The following ANK1 variants were observed in gnomAD, a reference collection of about 807,000 sequenced individuals.
ANK1 encodes the protein ankyrin 1, also known as ankyrin-1.
ANK1 carries 51 observed loss-of-function variants against 210.4 expected under a neutral mutation model. The ratio of observed to expected loss-of-function variants is 0.24; its 90% CI spans 0.19 to 0.31. The LOEUF (loss-of-function observed/expected upper bound fraction) is 0.31. ANK1 is among the 10% of genes least tolerant of loss of function. The probability of loss-of-function intolerance (pLI) is 1.00; values close to 1 mark genes in which losing one functional copy is unlikely to be tolerated. For synonymous variants in ANK1, 967 were observed against 1,025.9 expected (o/e 0.94, Z 1.10); for missense variants, 2,051 against 2,504.4 (o/e 0.82, Z 3.86).
chr8:41,763,553 C>T (rs1007389943), intron 1 of ANK1, among the ~76,000 whole-genome samples: 31 of 152,146 alleles, frequency 2.0e-4, no homozygotes, highest in African/African-American at 6.8e-4. Context: ...GCCCTTGACC[C>T]CAAGGGCGTT....
At chr8:41,757,906 G>T in intron 2 of ANK1, 130 bp downstream of exon 2, 2 of 894,178 alleles carry the variant, frequency 2.2e-6, no homozygotes, top group South Asian at 2.7e-5. Context: ...GCCTTCCACA[G>T]GCAGGAGCCC....
chr8:41,724,077 C>T (rs949835758), intron 7 of ANK1, among the ~76,000 whole-genome samples: 1 of 152,182 alleles, frequency 6.6e-6, no homozygotes, highest in East Asian at 1.9e-4. Flanking sequence ...CGTGAGCCAC[C>T]GCGCCCGGCC....
At chr8:41,669,569 C>G (rs1811588948) in intron 38 of ANK1, among the ~76,000 whole-genome samples, 1 of 152,202 alleles carries the variant, frequency 6.6e-6, no homozygotes, top group Admixed American at 6.5e-5. Flanking sequence ...ATCTTCTCCC[C>G]TAGCCTGTCC....
intron 1 of ANK1, among the ~76,000 whole-genome samples, chr8:41,863,187 T>C (rs937500327): frequency 4.0e-5 from 6 of 151,778 alleles, no homozygotes; most frequent in African/African-American, 1.2e-4. Context: ...TGAAACCCCA[T>C]CTCTACTAAA....
At position 41,673,668 on chromosome 8, in the gene ANK1, G is replaced by A. The variant is rs541793868; in HGVS notation, c.4538-756C>T. Among the ~76,000 whole-genome samples, 88 of 152,328 alleles carry A rather than the reference G, an allele frequency of 5.8e-4. 1 individual carries two copies. Among genetic ancestry groups the A allele is most frequent in the African/African-American group, 2.0e-3 (85 of 41,580 alleles). On this transcript the variant is annotated intron_variant, in intron 37 of 42. Coordinates refer to ENST00000289734, the MANE Select transcript of ANK1 (RefSeq NM_000037.4). ...AAAACCCTGTGTCCAAGAGCCCTGA[G>A]CTGCTTGTCCCAGCTGCAGGTCAGC...
intron 1 of ANK1, among the ~76,000 whole-genome samples, chr8:41,861,430 T>C (rs1813256211): frequency 6.6e-6 from 1 of 152,230 alleles, no homozygotes; most frequent in Non-Finnish European, 1.5e-5. Context: ...CGAAAGGGCC[T>C]GCGTGAAATT....
chr8:41,733,081 A>C (rs902343873), intron 3 of ANK1, among the ~76,000 whole-genome samples: 22 of 152,336 alleles, frequency 1.4e-4, no homozygotes, highest in African/African-American at 5.1e-4. Context: ...TTGTTTGATA[A>C]ATAAGATGCA....
chr8:41,717,524 T>C (rs530062661), intron 12 of ANK1, 80 bp downstream of exon 12: 279 of 1,276,616 alleles, frequency 2.2e-4, no homozygotes, highest in Non-Finnish European at 3.0e-4. Flanking sequence ...CCCCAGAGAG[T>C]AGGACTGGGA....
chr8:41,863,966 C>T lies in ANK1; in HGVS notation c.126+32389G>A, dbSNP rs186616833. 3.1e-3 allele frequency among the ~76,000 whole-genome samples: 475 copies of T among 152,180 alleles called. 3 individuals carry two copies. Among genetic ancestry groups the T allele is most frequent in the African/African-American group, 0.011 (443 of 41,524 alleles). ...TTGTTAATTCAAGGGTACCACTGGC[C>T]GGGCATGGTGGCTCACACCTGTAAT... On this transcript the variant is annotated intron_variant, in intron 1 of 42. Transcript: ENST00000265709.
At chr8:41,891,956 C>T (rs1383128441) in intron 1 of ANK1, among the ~76,000 whole-genome samples, 3 of 152,186 alleles carry the variant, frequency 2.0e-5, no homozygotes, top group Admixed American at 6.5e-5. Context: ...CCACAACATA[C>T]ATTAGTGAAA....
At chr8:41,776,331 T>C (rs908798200) in intron 1 of ANK1, among the ~76,000 whole-genome samples, 2 of 152,188 alleles carry the variant, frequency 1.3e-5, no homozygotes, top group East Asian at 1.9e-4. Context: ...TCTGTTTCCA[T>C]GAACTAGGCC....
intron 2 of ANK1, among the ~76,000 whole-genome samples, chr8:41,752,254 C>T (rs907209891): frequency 2.0e-5 from 3 of 152,172 alleles, no homozygotes; most frequent in Non-Finnish European, 2.9e-5. Flanking sequence ...AGGCCACGAG[C>T]GCGCAGACTA....
intron 1 of ANK1, among the ~76,000 whole-genome samples, chr8:41,852,729 G>A (rs1287811213): frequency 6.6e-6 from 1 of 152,234 alleles, no homozygotes; most frequent in Admixed American, 6.5e-5. Context: ...TATCGAGGAT[G>A]ACGCCACTGG....
intron 31 of ANK1, among the ~76,000 whole-genome samples, chr8:41,690,910 A>G (rs1046986979): frequency 6.6e-6 from 1 of 152,124 alleles, no homozygotes; most frequent in Non-Finnish European, 1.5e-5. Context: ...GCTTCTGAAA[A>G]CAACAACAAC....
At position 41,693,942 on chromosome 8, in the gene ANK1, C is replaced by T; in HGVS notation, c.3488G>A (p.Gly1163Glu). ...PSWTDNPRDSGEGDTTSLRLL... is the reference protein window; with the variant it reads ...PSWTDNPRDSEEGDTTSLRLL... The stretch of plus-strand genomic sequence containing the variant: ...GCGCAGGCTGGTGGTGTCTCCCTCC[C>T]CGCTGTCCCTCGGGTTGTCGGTCCA... The change falls in exon 29 of 43, where the codon GGG becomes GAG. Residue 1163 changes from glycine to glutamate, a missense_variant. Transcript: ENST00000289734. The T allele has an allele frequency of 6.2e-7, 1 of 1,613,626 alleles. No individual in the cohort carries two copies. The highest frequency in any genetic ancestry group is 8.5e-7 in the Non-Finnish European group (1 of 1,179,918).
chr8:41,736,247 C>T (rs1467507942), intron 2 of ANK1, among the ~76,000 whole-genome samples: 1 of 152,216 alleles, frequency 6.6e-6, no homozygotes, highest in African/African-American at 2.4e-5. Context: ...ATTTGCAAGA[C>T]AAATTCACTG....
intron 1 of ANK1, among the ~76,000 whole-genome samples, chr8:41,780,118 G>A (rs1844965973): frequency 6.6e-6 from 1 of 152,230 alleles, no homozygotes; most frequent in South Asian, 2.1e-4. Flanking sequence ...GTCAGTGACA[G>A]CTGACATAGT....
intron 9 of ANK1, among the ~76,000 whole-genome samples, chr8:41,722,405 G>T (rs1318068742): frequency 1.3e-5 from 2 of 152,192 alleles, no homozygotes; most frequent in Non-Finnish European, 2.9e-5. Context: ...CTGCTCGTGG[G>T]AAACCTCCTG....
chr8:41,811,104 G>A (rs2150783412), intron 1 of ANK1, among the ~76,000 whole-genome samples: 1 of 152,214 alleles, frequency 6.6e-6, no homozygotes, highest in African/African-American at 2.4e-5. Context: ...CATGACTCTG[G>A]GGCAGTACAC....
Sources: allele counts gnomAD v4.1 joint callset (sites outside exome capture counted in the v4.1 genomes callset), GRCh38; gene constraint gnomAD v4.1.1; transcripts MANE v1.5; gene names NCBI Gene and HGNC (gene_info 2026-07-23, HGNC 2026-07-21).